STS: variants seen among roughly 807,000 people sequenced by gnomAD.
STS encodes the protein steryl-sulfatase.
In STS, 7 loss-of-function variants were observed where a neutral mutation model predicts 26.8. That is an observed-to-expected ratio of 0.26 (90% confidence interval 0.15 to 0.49). The LOEUF is 0.49. Ranked by LOEUF, STS falls within the 20% of genes least tolerant of loss-of-function variation. The pLI, the probability that STS is intolerant of heterozygous loss-of-function variation, is 0.98. For synonymous variants in STS, 199 were observed against 189.4 expected (o/e 1.05, Z -0.42); for missense variants, 434 against 465.6 (o/e 0.93, Z 0.63).
chrX:7,314,666 T>C (rs1926632842), intron 8 of STS, among the ~76,000 whole-genome samples: 1 of 112,930 alleles, frequency 8.9e-6, no homozygotes, highest in Non-Finnish European at 1.9e-5. Context: ...TGGCAGAGCT[T>C]GCACCTGTTG....
intron 9 of STS, among the ~76,000 whole-genome samples, chrX:7,327,853 C>T (rs1927556067): frequency 8.9e-6 from 1 of 112,077 alleles, no homozygotes; most frequent in Admixed American, 9.5e-5. Flanking sequence ...GAATGTTTGC[C>T]ATTTCTTGTT....
intron 2 of STS, among the ~76,000 whole-genome samples, chrX:7,196,091 C>T (rs1933967342): frequency 1.6e-5 from 1 of 63,261 alleles, no homozygotes; most frequent in Non-Finnish European, 3.0e-5. Flanking sequence ...GGCAGATAAA[C>T]AAGAGAAAAC....
intron 2 of STS, among the ~76,000 whole-genome samples, chrX:7,194,096 G>A (rs1171546937): frequency 1.8e-5 from 2 of 110,560 alleles, no homozygotes; most frequent in Non-Finnish European, 3.8e-5. Context: ...GTGGAGATGG[G>A]GTTTCACCAT....
intron 1 of STS, among the ~76,000 whole-genome samples, chrX:7,180,289 G>C (rs1933656471): frequency 8.9e-6 from 1 of 111,898 alleles, no homozygotes; most frequent in African/African-American, 3.3e-5. Context: ...ATGGGAGACA[G>C]TGATAGATCA....
At chrX:7,326,194 G>A (rs953161714) in intron 9 of STS, among the ~76,000 whole-genome samples, 21 of 110,783 alleles carry the variant, frequency 1.9e-4, no homozygotes, top group Admixed American at 1.5e-3. Context: ...GGAGTGTCAC[G>A]ATGCCTCCAG....
At chrX:7,206,154 C>G (rs961003335) in intron 2 of STS, among the ~76,000 whole-genome samples, 1 of 111,764 alleles carries the variant, frequency 8.9e-6, no homozygotes, top group Non-Finnish European at 1.9e-5. Flanking sequence ...AGATTCATGC[C>G]CTTCAGTTCT....
At chrX:7,243,723 G>T (rs866864012) in intron 2 of STS, among the ~76,000 whole-genome samples, 3 of 111,700 alleles carry the variant, frequency 2.7e-5, no homozygotes, top group Middle Eastern at 4.6e-3. Flanking sequence ...AAAAGGGAGG[G>T]AGGTGAGAGG....
rs1258938216 is a variant in STS, at chrX:7,293,872, C to T, written c.944-11174C>T. On this transcript the variant is annotated intron_variant, in intron 7 of 10. Transcript: ENST00000674429. ...GCAGGAAAAATAGCAGAAGGGTTAG[C>T]TTGAGACCAGGTGTTTGAGGCTACA... 2.7e-5 allele frequency among the ~76,000 whole-genome samples: 3 copies of T among 111,425 alleles called. No individual in the cohort carries two copies. In the East Asian group the frequency reaches 8.5e-4, roughly 32 times the overall value.
intron 2 of STS, among the ~76,000 whole-genome samples, chrX:7,229,478 A>T (rs1440767301): frequency 9.0e-6 from 1 of 111,529 alleles, no homozygotes; most frequent in Non-Finnish European, 1.9e-5. Flanking sequence ...CCAAATTCCC[A>T]TCCTAGCTGG....
At chrX:7,151,866 G>T (rs774464081) in intron 1 of STS, among the ~76,000 whole-genome samples, 1 of 111,903 alleles carries the variant, frequency 8.9e-6, no homozygotes, top group Non-Finnish European at 1.9e-5. Flanking sequence ...GCATCCAATG[G>T]TCTAGACCAT....
At chrX:7,232,838 A>G (rs1356194404) in intron 2 of STS, among the ~76,000 whole-genome samples, 1 of 111,882 alleles carries the variant, frequency 8.9e-6, no homozygotes, top group Non-Finnish European at 1.9e-5. Context: ...TGACCGGATC[A>G]TGGGGGTGGT....
intron 2 of STS, among the ~76,000 whole-genome samples, chrX:7,204,731 T>C (rs190005401): frequency 0.041 from 4,200 of 102,669 alleles, 226 homozygotes; most frequent in African/African-American, 0.14. Flanking sequence ...CCTTCCTTCC[T>C]TCCCTTCTTT....
chrX:7,275,915 C>CT (rs774989629), intron 6 of STS, 36 bp from the exon 7 acceptor site: 41 of 1,120,890 alleles, frequency 3.7e-5, no homozygotes, highest in African/African-American at 5.7e-5. Context: ...TATCTGTGGT[C>CT]TTTTTTTTCC....
chrX:7,215,138 C>CACATATAT (rs1356263612), intron 2 of STS, among the ~76,000 whole-genome samples: 72 of 90,299 alleles, frequency 8.0e-4, no homozygotes, highest in African/African-American at 2.5e-3. Context: ...CACACACACA[C>CACATATAT]ATATATATAT....
chrX:7,302,061 G>A (rs949441156), intron 7 of STS, among the ~76,000 whole-genome samples: 2 of 111,802 alleles, frequency 1.8e-5, no homozygotes, highest in African/African-American at 6.5e-5. Context: ...TATTATGGGA[G>A]ACACATTTTT....
intron 2 of STS, among the ~76,000 whole-genome samples, chrX:7,203,769 C>CAT (rs1373077973): frequency 5.5e-5 from 6 of 109,790 alleles, no homozygotes; most frequent in Non-Finnish European, 9.5e-5. Flanking sequence ...CATACATATC[C>CAT]ATATGCAAAT....
At position 7,147,937 on chromosome X, in the gene STS, T is replaced by G. The variant is rs1455041334; in HGVS notation, c.-280T>G. On this transcript the variant is annotated 5_prime_UTR_variant, in exon 1 of 11. Coordinates refer to ENST00000674429, the MANE Select transcript of STS (RefSeq NM_001320752.2). ...GGCAGAGCGCGCGGGAGCCCGAGCG[T>G]CCCTGCATGAACACCGCCCCGCCGC... is the stretch of plus-strand genomic sequence containing the variant. 3 of 570,999 alleles carry G rather than the reference T, an allele frequency of 5.3e-6. No homozygotes were observed. The Admixed American group carries it at 1.0e-4, about 19-fold the overall frequency. The allele number at this position is 570,999 out of a possible 1,213,427, so 47.1% of individuals were successfully genotyped here.
chrX:7,291,786 AT>A (rs1177553010), intron 7 of STS, among the ~76,000 whole-genome samples: 39 of 109,743 alleles, frequency 3.6e-4, no homozygotes, highest in South Asian at 3.0e-3. Flanking sequence ...TGTTGTCATA[AT>A]TTTTTTTTTA....
chrX:7,183,228 C>T (rs1933714309), intron 1 of STS, among the ~76,000 whole-genome samples: 1 of 111,879 alleles, frequency 8.9e-6, no homozygotes. Flanking sequence ...ATCTTAAACC[C>T]TAAGACTATT....
Sources: allele counts gnomAD v4.1 joint callset (sites outside exome capture counted in the v4.1 genomes callset), GRCh38; gene constraint gnomAD v4.1.1; transcripts MANE v1.5; gene names NCBI Gene and HGNC (gene_info 2026-07-23, HGNC 2026-07-21).